The following ASPH variants were observed in gnomAD, a reference collection of about 807,000 sequenced individuals.
ASPH encodes aspartate beta-hydroxylase, also known as aspartyl/asparaginyl beta-hydroxylase.
Under a neutral mutation model 118.4 loss-of-function variants are expected in ASPH, and 100 were observed. The ratio of observed to expected loss-of-function variants is 0.84; its 90% confidence interval spans 0.72 to 1.00. The LOEUF is 1.00. Ranked by LOEUF, ASPH falls within the 50% of genes least tolerant of loss-of-function variation. The probability of loss-of-function intolerance (pLI) is 0.00; values close to 1 mark genes in which losing one functional copy is unlikely to be tolerated. For synonymous variants in ASPH, 315 were observed against 325.6 expected, an observed-to-expected ratio of 0.97 and a Z score of 0.35; for missense variants, 920 against 919.5, an observed-to-expected ratio of 1.00 and a Z score of -0.01.
At chr8:61,568,222 G>C (rs1305353036) in intron 16 of ASPH, among the ~76,000 whole-genome samples, 1 of 152,230 alleles carries the variant, frequency 6.6e-6, no homozygotes, top group Non-Finnish European at 1.5e-5. Flanking sequence ...GAGAAGCTGG[G>C]AGAGGCAGAA....
At chr8:61,640,246 T>C (rs1463462657) in intron 10 of ASPH, among the ~76,000 whole-genome samples, 1 of 152,162 alleles carries the variant, frequency 6.6e-6, no homozygotes. Flanking sequence ...ATTTGGATGA[T>C]TACAGCTAAC....
intron 9 of ASPH, 54 bp downstream of exon 9, chr8:61,643,332 G>A: frequency 6.5e-7 from 1 of 1,540,566 alleles, no homozygotes; most frequent in Non-Finnish European, 8.8e-7. Context: ...CACAGCATGT[G>A]ATTGAAAAAT....
At chr8:61,513,048 C>T (rs1353348829) in intron 24 of ASPH, among the ~76,000 whole-genome samples, 1 of 152,200 alleles carries the variant, frequency 6.6e-6, no homozygotes. Flanking sequence ...CTATGCTACG[C>T]TTTGCAGGGA....
At chr8:61,530,490 C>A (rs2129630889) in intron 21 of ASPH, among the ~76,000 whole-genome samples, 1 of 152,290 alleles carries the variant, frequency 6.6e-6, no homozygotes, top group South Asian at 2.1e-4. Flanking sequence ...TCCTGAATCC[C>A]AGACCTGCAT....
At chr8:61,517,475 C>T in intron 24 of ASPH, 53 bp downstream of exon 24, 1 of 1,593,424 alleles carries the variant, frequency 6.3e-7, no homozygotes, top group Non-Finnish European at 8.6e-7. Context: ...TGTGTTGTAA[C>T]AAACTCTCAT....
At chr8:61,510,173 T>A (rs1165681015) in intron 24 of ASPH, among the ~76,000 whole-genome samples, 1 of 152,200 alleles carries the variant, frequency 6.6e-6, no homozygotes, top group Non-Finnish European at 1.5e-5. Context: ...TTCATATGGA[T>A]TACTTTAATA....
At chr8:61,689,692 G>C in intron 1 of ASPH, 1 of 1,586,726 alleles carries the variant, frequency 6.3e-7, no homozygotes. Context: ...CAGCCATTTT[G>C]ATTTCTTCAA....
At chr8:61,543,589 A>G (rs1037914978) in intron 21 of ASPH, among the ~76,000 whole-genome samples, 1 of 152,308 alleles carries the variant, frequency 6.6e-6, no homozygotes, top group Non-Finnish European at 1.5e-5. Context: ...GCTGACTTGA[A>G]GCCTTTGTTT....
In ASPH at chr8:61,501,854, TAAAG is replaced by T. The variant is rs942944160; in HGVS notation, c.*1501_*1504del. 28 of 152,276 alleles carry T rather than the reference TAAAG, an allele frequency of 1.8e-4. No homozygotes were observed. Among genetic ancestry groups the T allele is most frequent in the African/African-American group, 6.3e-4 (26 of 41,546 alleles). The allele number at this position is 152,276 out of a possible 1,614,324, so 9.4% of individuals were successfully genotyped here. On this transcript the variant is annotated 3_prime_UTR_variant, in exon 25 of 25. Coordinates refer to ENST00000379454, the MANE Select transcript of ASPH (RefSeq NM_004318.4). The stretch of plus-strand genomic sequence containing the variant: ...TCAAAGAGCTGTTCTTTAAATGAGA[TAAAG>T]AAAGTCTCCTTTTGTTTTTAGATGG...
chr8:61,581,296 T>C (rs942753169), intron 15 of ASPH, among the ~76,000 whole-genome samples: 3 of 152,226 alleles, frequency 2.0e-5, no homozygotes, highest in African/African-American at 7.2e-5. Flanking sequence ...TCAATTCTAA[T>C]TTAAAAACTC....
intron 16 of ASPH, among the ~76,000 whole-genome samples, chr8:61,572,421 C>T (rs1833726632): frequency 6.6e-6 from 1 of 152,198 alleles, no homozygotes; most frequent in Admixed American, 6.5e-5. Context: ...ACATGTCCAC[C>T]TGAATGTCTC....
chr8:61,692,818 T>C (rs1832942228), intron 1 of ASPH, among the ~76,000 whole-genome samples: 2 of 152,122 alleles, frequency 1.3e-5, no homozygotes, highest in Non-Finnish European at 2.9e-5. Context: ...GATGATCTGA[T>C]GTTGCTGGTC....
intron 14 of ASPH, among the ~76,000 whole-genome samples, chr8:61,602,671 G>T (rs1048527272): frequency 2.0e-5 from 3 of 151,198 alleles, no homozygotes; most frequent in Non-Finnish European, 2.9e-5. Context: ...TTGGGGAGGG[G>T]CACAGAGGAA....
chr8:61,576,655 T>C (rs55767984), intron 16 of ASPH, 117 bp downstream of exon 16: 1 of 846,394 alleles, frequency 1.2e-6, no homozygotes, highest in Non-Finnish European at 1.8e-6. Flanking sequence ...TGCATATACA[T>C]GAGAAACTGA....
intron 18 of ASPH, among the ~76,000 whole-genome samples, chr8:61,559,943 G>A (rs754386969): frequency 5.5e-3 from 9 of 1,644 alleles, no homozygotes; most frequent in East Asian, 0.055. Flanking sequence ...GTGAGGGTTG[G>A]GGGGGGGAGC....
chr8:61,684,320 T>C, intron 1 of ASPH, 132 bp from the exon 2 acceptor site: 1 of 954,870 alleles, frequency 1.0e-6, no homozygotes, highest in East Asian at 2.7e-5. Flanking sequence ...TCCAGTTAAA[T>C]TCTCAAAACA....
intron 3 of ASPH, 43 bp downstream of exon 3, chr8:61,680,925 G>C: frequency 6.7e-7 from 1 of 1,495,826 alleles, no homozygotes; most frequent in African/African-American, 1.4e-5. Context: ...ATTGTTTCCA[G>C]CATTTTATCA....
rs371948421 is a variant in ASPH, at chr8:61,621,474, T to C, written c.935-2455A>G. On this transcript the variant is annotated intron_variant, in intron 13 of 24. Transcript: ENST00000379454. Reference sequence around the variant, plus strand: ...CACTAGCACTCTGCAAAGATAATAATGAAGTGATACTTTGCTTTATTCTCT... The same window carrying C: ...CACTAGCACTCTGCAAAGATAATAACGAAGTGATACTTTGCTTTATTCTCT... Among the ~76,000 whole-genome samples the C allele has an allele frequency of 3.2e-4, 48 of 152,302 alleles. No homozygotes were observed. The East Asian group carries it at 4.4e-3, about 14-fold the overall frequency.
intron 24 of ASPH, among the ~76,000 whole-genome samples, chr8:61,514,440 G>T (rs972505517): frequency 6.6e-6 from 1 of 152,042 alleles, no homozygotes; most frequent in African/African-American, 2.4e-5. Flanking sequence ...GTGGCTGAGC[G>T]TGGTGGCTCA....
Sources: gnomAD v4.1 joint callset for allele counts (sites outside exome capture counted in the v4.1 genomes callset) on GRCh38, gnomAD v4.1.1 for gene constraint, MANE v1.5 for transcripts, NCBI Gene and HGNC (gene_info 2026-07-23, HGNC 2026-07-21) for gene names.